Variants in FBXO11 observed in about 807,000 individuals in gnomAD.
FBXO11 encodes the protein F-box only protein 11.
FBXO11 carries 13 observed loss-of-function variants against 117.0 expected under a neutral mutation model. The observed-to-expected ratio is 0.11, with a 90% confidence interval of 0.07 to 0.18. FBXO11 has a LOEUF of 0.18. FBXO11 is among the 10% of genes least tolerant of loss of function. The pLI is 1.00. For missense variants in FBXO11, 767 were observed against 1,164.4 expected (o/e 0.66, Z 4.97); for synonymous variants, 490 against 380.5 (o/e 1.29, Z -3.35).
At chr2:47,870,777 T>C (rs868190958) in intron 1 of FBXO11, among the ~76,000 whole-genome samples, 3 of 152,220 alleles carry the variant, frequency 2.0e-5, no homozygotes, top group Non-Finnish European at 4.4e-5. Context: ...TCACAAATTT[T>C]ACTTATCTAC....
intron 18 of FBXO11, among the ~76,000 whole-genome samples, chr2:47,812,622 T>G (rs982267226): frequency 6.6e-6 from 1 of 152,220 alleles, no homozygotes; most frequent in Non-Finnish European, 1.5e-5. Context: ...GAGTAATAAC[T>G]AGCTATTCTA....
chr2:47,905,782 T>C lies in FBXO11; in HGVS notation c.-62A>G, dbSNP rs1572944012. 3 of 1,235,584 alleles carry C rather than the reference T, an allele frequency of 2.4e-6. No individual in the cohort carries two copies. Among genetic ancestry groups the C allele is most frequent in the South Asian group, 2.5e-5 (2 of 78,524 alleles). The allele number at this position is 1,235,584 out of a possible 1,614,324, so 76.5% of individuals were successfully genotyped here. On this transcript the variant is annotated 5_prime_UTR_variant, in exon 1 of 23. Coordinates refer to ENST00000403359, the MANE Select transcript of FBXO11 (RefSeq NM_001190274.2). ...CACACACGCACACGCACAGCGAGCT[T>C]CGGGGCAGGAGAAAGGGGTGGGGAG...
chr2:47,831,046 G>C (rs891305066), intron 11 of FBXO11, among the ~76,000 whole-genome samples: 3 of 151,750 alleles, frequency 2.0e-5, no homozygotes, highest in African/African-American at 7.3e-5. Context: ...CGATCCAACT[G>C]CCTTGGCCTC....
chr2:47,877,899 G>A (rs995895849), intron 1 of FBXO11, among the ~76,000 whole-genome samples: 5 of 152,142 alleles, frequency 3.3e-5, no homozygotes, highest in African/African-American at 1.2e-4. Context: ...TGATCAGGCT[G>A]GTCTCAAACT....
intron 1 of FBXO11, among the ~76,000 whole-genome samples, chr2:47,863,625 T>C (rs1449702040): frequency 1.3e-5 from 2 of 152,136 alleles, no homozygotes; most frequent in East Asian, 1.9e-4. Flanking sequence ...TTTCAAGGAA[T>C]TGGTTAAATC....
chr2:47,902,738 G>T (rs1234634642), intron 1 of FBXO11, among the ~76,000 whole-genome samples: 1 of 151,956 alleles, frequency 6.6e-6, no homozygotes, highest in Non-Finnish European at 1.5e-5. Flanking sequence ...TACCACTAAA[G>T]AACCTGAAAT....
At chr2:47,899,631 C>G (rs927162923) in intron 1 of FBXO11, among the ~76,000 whole-genome samples, 1 of 152,200 alleles carries the variant, frequency 6.6e-6, no homozygotes, top group African/African-American at 2.4e-5. Context: ...GAGCTCTTTA[C>G]ATCATACTGT....
chr2:47,885,429 C>G (rs933934212), intron 1 of FBXO11, among the ~76,000 whole-genome samples: 2 of 151,756 alleles, frequency 1.3e-5, no homozygotes, highest in Admixed American at 6.6e-5. Flanking sequence ...CTGTCTCTAC[C>G]AAGGGCGTGG....
intron 1 of FBXO11, among the ~76,000 whole-genome samples, chr2:47,861,864 C>A (rs1030872339): frequency 7.2e-5 from 11 of 151,958 alleles, no homozygotes; most frequent in Admixed American, 7.2e-4. Context: ...GCTAAGACAA[C>A]AGCAGAAAAT....
At chr2:47,881,147 G>A (rs374343866) in intron 1 of FBXO11, among the ~76,000 whole-genome samples, 2 of 152,128 alleles carry the variant, frequency 1.3e-5, no homozygotes, top group South Asian at 4.1e-4. Flanking sequence ...AGTTACTTGG[G>A]AGGCTGACGC....
At chr2:47,865,609 A>T (rs898226107) in intron 1 of FBXO11, among the ~76,000 whole-genome samples, 2 of 152,256 alleles carry the variant, frequency 1.3e-5, no homozygotes, top group African/African-American at 4.8e-5. Flanking sequence ...TATCTTGTTA[A>T]ACAACTGTTG....
chr2:47,827,300 G>T (rs1007423548), intron 11 of FBXO11, among the ~76,000 whole-genome samples: 4 of 151,976 alleles, frequency 2.6e-5, no homozygotes, highest in Non-Finnish European at 2.9e-5. Flanking sequence ...TTTGCTTCAA[G>T]ATTTTTTTGT....
chr2:47,815,777 T>A (rs1245142361), intron 16 of FBXO11, among the ~76,000 whole-genome samples: 2 of 152,178 alleles, frequency 1.3e-5, no homozygotes, highest in African/African-American at 4.8e-5. Context: ...GAGTTAGAAG[T>A]TCTGGAGTCT....
chr2:47,833,906 G>A (rs1030671710), intron 7 of FBXO11, among the ~76,000 whole-genome samples: 7 of 151,706 alleles, frequency 4.6e-5, no homozygotes, highest in East Asian at 1.9e-4. Flanking sequence ...GACCTGAAGC[G>A]ATCCACCCAC....
intron 1 of FBXO11, among the ~76,000 whole-genome samples, chr2:47,856,014 G>A (rs1352340407): frequency 6.6e-6 from 1 of 152,190 alleles, no homozygotes; most frequent in Non-Finnish European, 1.5e-5. Flanking sequence ...AGGAGGCTGA[G>A]GCAGGAGGAT....
At chr2:47,836,891 CTCTTG>C (rs1450696154) in intron 4 of FBXO11, 5 of 362,602 alleles carry the variant, frequency 1.4e-5, no homozygotes, top group African/African-American at 4.4e-5. Flanking sequence ...TCAAGTGATC[CTCTTG>C]TCTTATTTTT....
chr2:47,835,452 T>G (rs1490839799), intron 5 of FBXO11, among the ~76,000 whole-genome samples: 1 of 152,206 alleles, frequency 6.6e-6, no homozygotes, highest in African/African-American at 2.4e-5. Flanking sequence ...GTGAAAAGAA[T>G]TGCTGAATAT....
intron 3 of FBXO11, among the ~76,000 whole-genome samples, 189 bp from the exon 4 acceptor site, chr2:47,839,192 AG>A (rs1672832024): frequency 6.6e-6 from 1 of 151,938 alleles, no homozygotes; most frequent in South Asian, 2.1e-4. Context: ...TCCTTCTTTT[AG>A]GTATTATGTG....
intron 1 of FBXO11, among the ~76,000 whole-genome samples, chr2:47,848,961 A>G (rs1673630115): frequency 6.6e-6 from 1 of 152,214 alleles, no homozygotes; most frequent in South Asian, 2.1e-4. Context: ...TAATTGACAG[A>G]AGTTTTTTTC....
Sources: allele counts gnomAD v4.1 joint callset (sites outside exome capture counted in the v4.1 genomes callset), GRCh38; gene constraint gnomAD v4.1.1; transcripts MANE v1.5; gene names NCBI Gene and HGNC (gene_info 2026-07-23, HGNC 2026-07-21).